NEB: variants seen among roughly 807,000 people sequenced by gnomAD.
NEB encodes the protein nemaline myopathy type 2.
Under a neutral mutation model 952.2 loss-of-function variants are expected in NEB, and 512 were observed. The observed-to-expected ratio is 0.54, with a 90% confidence interval of 0.50 to 0.58. The LOEUF (loss-of-function observed/expected upper bound fraction) is 0.58, where lower values mean the gene tolerates loss of function less well. NEB is among the 20% of genes least tolerant of loss of function. The pLI, the probability that NEB is intolerant of heterozygous loss-of-function variation, is 0.00. For missense variants in NEB, 8,428 were observed against 9,231.1 expected (o/e 0.91, Z 3.56); for synonymous variants, 2,900 against 3,149.8 (o/e 0.92, Z 2.66).
Position 151,497,020 on chromosome 2 carries a change from T to G in NEB, c.24314A>C (p.Glu8105Ala). ...TAGAGGGGTTCCCTTGCCCATGTTTTCTTTGTATAACACCTGTGCGATAAG... is the reference window on the plus strand; with the variant it reads ...TAGAGGGGTTCCCTTGCCCATGTTTGCTTTGTATAACACCTGTGCGATAAG... ...QENISSVLYK[E>A]NMGKGTPLPV... The change falls in exon 172 of 182, where the codon GAA becomes GCA. Residue 8105 changes from glutamate to alanine, a missense_variant. Coordinates refer to ENST00000397345, the MANE Select transcript of NEB (RefSeq NM_001164508.2). 1 of 1,571,000 alleles carries G rather than the reference T, an allele frequency of 6.4e-7. No individual in the cohort carries two copies. The highest frequency in any genetic ancestry group is 2.3e-5 in the East Asian group (1 of 43,242).
intron 117 of NEB, among the ~76,000 whole-genome samples, chr2:151,564,711 G>A (rs1186496806): frequency 6.6e-6 from 1 of 152,106 alleles, no homozygotes; most frequent in Admixed American, 6.6e-5. Flanking sequence ...TCAATGCTAT[G>A]TGCCCCCAGA....
intron 32 of NEB, 61 bp downstream of exon 32, chr2:151,679,660 G>GGGGCCCCCCCCCCCCCC: frequency 1.5e-6 from 1 of 682,634 alleles, no homozygotes. Flanking sequence ...GTCATCGTCA[G>GGGGCCCCCCCCCCCCCC]ACCCCAAGCC....
rs1408117356 is a variant in NEB, at chr2:151,565,750, A to G, written c.18227T>C (p.Val6076Ala). ...GWIPLDSVDH[V>A]RVTKNQEMMS... ...CATTTCCTGGTTCTTAGTAACCCTT[A>G]CATGGTCCACAGAATCCAGTGGGAT... is the stretch of plus-strand genomic sequence containing the variant. Residue 6076 changes from valine (V) to alanine (A), a missense_variant, in exon 115 of 182, where the codon GTA becomes GCA. By Grantham distance (64) the Val-to-Ala change is moderately conservative. Coordinates refer to ENST00000397345, the MANE Select transcript of NEB (RefSeq NM_001164508.2). 6.2e-7 allele frequency: 1 copy of G among 1,612,674 alleles called. No homozygotes were observed.
chr2:151,535,971 G>C (rs1484593054), intron 141 of NEB, among the ~76,000 whole-genome samples, 176 bp from the exon 142 acceptor site: 1 of 152,198 alleles, frequency 6.6e-6, no homozygotes, highest in Non-Finnish European at 1.5e-5. Context: ...GCAAGGCACA[G>C]TCATAGCTCA....
At chr2:151,492,334 T>A (rs2057254953) in intron 177 of NEB, 53 bp from the exon 178 acceptor site, 2 of 1,589,742 alleles carry the variant, frequency 1.3e-6, no homozygotes, top group Admixed American at 1.7e-5. Flanking sequence ...ACTATATCCC[T>A]TTTTACACAT....
chr2:151,717,855 C>CTTTTTTTT lies in NEB; in HGVS notation c.718-343_718-336dup, dbSNP rs5835379. 5.0e-5 allele frequency among the ~76,000 whole-genome samples: 7 copies of CTTTTTTTT among 140,272 alleles called. 3 individuals are homozygous for CTTTTTTTT. Among genetic ancestry groups the CTTTTTTTT allele is most frequent in the Non-Finnish European group, 4.6e-5 (3 of 65,868 alleles). The allele number at this position is 140,272 out of a possible 152,430, so 92.0% of individuals were successfully genotyped here. ...GACTTGACCATATACCTCCTTTGTT[C>CTTTTTTTT]TTTTTTTTTTTTTTTTGAGACGGAG... On this transcript the variant is annotated intron_variant, in intron 9 of 181. Transcript: ENST00000397345.
chr2:151,567,051 G>T, intron 114 of NEB, 117 bp downstream of exon 114: 1 of 934,856 alleles, frequency 1.1e-6, no homozygotes, highest in Non-Finnish European at 1.6e-6. Flanking sequence ...TTCCCTTTGG[G>T]AACAAATTAA....
Position 151,636,265 on chromosome 2 carries a change from T to A in NEB, c.9064A>T (p.Ile3022Phe). 6.2e-7 allele frequency: 1 copy of A among 1,610,532 alleles called. No individual in the cohort carries two copies. The highest frequency in any genetic ancestry group is 8.5e-7 in the Non-Finnish European group (1 of 1,179,752). The change falls in exon 64 of 182, where the codon ATC (isoleucine) becomes TTC (phenylalanine). Residue 3022 changes from isoleucine (I) to phenylalanine (F), a missense_variant. Physicochemically the swap from Ile to Phe is conservative, Grantham distance 21 (BLOSUM62 0). Transcript: ENST00000397345. ...TCCCTGGAGGCCTTGGCCGCCACGATGGGGATGGCGTCGCTTCGCAAGTCA... is the reference window on the plus strand; with the variant it reads ...TCCCTGGAGGCCTTGGCCGCCACGAAGGGGATGGCGTCGCTTCGCAAGTCA... Reference protein sequence around the residue: ...GYDLRSDAIPIVAAKASRDII... With the variant: ...GYDLRSDAIPFVAAKASRDII...
intron 171 of NEB, chr2:151,497,240 A>AC (rs2060821175): frequency 1.2e-6 from 1 of 828,372 alleles, no homozygotes; most frequent in Non-Finnish European, 1.5e-6. Context: ...AGAAGCAGGG[A>AC]CCTCAGCTGC....
At chr2:151,547,571 A>G in intron 132 of NEB, 38 bp from the exon 133 acceptor site, 1 of 1,601,876 alleles carries the variant, frequency 6.2e-7, no homozygotes, top group Non-Finnish European at 8.5e-7. Context: ...TATGTATTAG[A>G]GACCGAATGA....
chr2:151,614,364 T>G lies in NEB; in HGVS notation c.11513A>C (p.Asp3838Ala). Residue 3838 changes from aspartate (D) to alanine (A), a missense_variant, in exon 77 of 182, where the codon GAC becomes GCC. Coordinates refer to ENST00000397345, the MANE Select transcript of NEB (RefSeq NM_001164508.2). ...CCATTCATGCAGGGGATGCTTGTAG[T>G]CTATGTCGCTTACAAGGATCTGACA... ...KKCQILVSDI[D>A]YKHPLHEWTC... The G allele has an allele frequency of 6.2e-7, 1 of 1,613,906 alleles. No individual in the cohort carries two copies. The highest frequency in any genetic ancestry group is 8.5e-7 in the Non-Finnish European group (1 of 1,179,844).
At chr2:151,499,515 A>C (rs1201185616) in intron 168 of NEB, 125 bp from the exon 169 acceptor site, 5 of 639,048 alleles carry the variant, frequency 7.8e-6, no homozygotes, top group Non-Finnish European at 1.4e-5. Flanking sequence ...CAACAAGTCA[A>C]CCTCTCTGTT....
chr2:151,531,705 C>A, intron 144 of NEB, 87 bp downstream of exon 144: 3 of 1,040,454 alleles, frequency 2.9e-6, no homozygotes, highest in Non-Finnish European at 4.4e-6. Flanking sequence ...CAGTAGTCTC[C>A]CAGACTTTGT....
At chr2:151,524,040 G>A (rs2083786266) in intron 153 of NEB, among the ~76,000 whole-genome samples, 1 of 152,150 alleles carries the variant, frequency 6.6e-6, no homozygotes, top group Non-Finnish European at 1.5e-5. Flanking sequence ...AGGATCTCAT[G>A]AACTGATGTT....
intron 28 of NEB, among the ~76,000 whole-genome samples, chr2:151,683,495 C>A (rs1036179596): frequency 2.6e-5 from 4 of 152,104 alleles, no homozygotes; most frequent in Admixed American, 1.3e-4. Context: ...AATGGAAAAT[C>A]AAGAAAGCAT....
chr2:151,634,755 T>C (rs55917454), intron 64 of NEB, among the ~76,000 whole-genome samples: 38,427 of 152,038 alleles, frequency 0.25, 5,656 homozygotes, highest in Admixed American at 0.4. Context: ...TTTACTAGAT[T>C]CATGCATTCA....
chr2:151,665,545 C>T lies in NEB; in HGVS notation c.5032-6G>A, dbSNP rs745684008. On this transcript the variant is annotated splice_polypyrimidine_tract_variant and splice_region_variant and intron_variant, in intron 41 of 181. Coordinates refer to ENST00000397345, the MANE Select transcript of NEB (RefSeq NM_001164508.2). ...AAGTCAGATTTGTACAGATTCTTTACAATGAGAAAAAAAATTTCATTTCAG... is the reference window on the plus strand; with the variant it reads ...AAGTCAGATTTGTACAGATTCTTTATAATGAGAAAAAAAATTTCATTTCAG... 1 of 1,555,942 alleles carries T rather than the reference C, an allele frequency of 6.4e-7. No individual in the cohort carries two copies. The highest frequency in any genetic ancestry group is 8.7e-7 in the Non-Finnish European group (1 of 1,148,806).
At position 151,672,595 on chromosome 2, in the gene NEB, T is replaced by C. The variant is rs1223706560; in HGVS notation, c.4073A>G (p.Tyr1358Cys). ...SLQDDPKLVH[Y>C]MNVAKLQSDR... The stretch of plus-strand genomic sequence containing the variant: ...AGACTGCAGCTTTGCCACATTCATA[T>C]AGTGGACCAGCTTGGGATCATCCTG... The change falls in exon 37 of 182, where the codon TAT (tyrosine) becomes TGT (cysteine). Residue 1358 changes from tyrosine (Y) to cysteine (C), a missense_variant. Coordinates refer to ENST00000397345, the MANE Select transcript of NEB (RefSeq NM_001164508.2). The C allele has an allele frequency of 4.3e-6, 7 of 1,614,004 alleles. No homozygotes were observed. The highest frequency in any genetic ancestry group is 2.7e-5 in the African/African-American group (2 of 75,044).
chr2:151,533,656 T>C, intron 142 of NEB, 110 bp from the exon 143 acceptor site: 1 of 679,106 alleles, frequency 1.5e-6, no homozygotes, highest in Non-Finnish European at 2.6e-6. Context: ...ATACACACTT[T>C]ATGTACTCAC....
Sources: gnomAD v4.1 joint callset for allele counts (sites outside exome capture counted in the v4.1 genomes callset) on GRCh38, gnomAD v4.1.1 for gene constraint, MANE v1.5 for transcripts, NCBI Gene and HGNC (gene_info 2026-07-23, HGNC 2026-07-21) for gene names.